Variants in AKAP6 observed in about 807,000 individuals in gnomAD.
AKAP6 encodes the protein A-kinase anchoring protein 6.
A neutral mutation model predicts 188.5 loss-of-function variants in AKAP6; 58 were observed. The ratio of observed to expected loss-of-function variants is 0.31; its 90% confidence interval spans 0.25 to 0.38. The LOEUF (loss-of-function observed/expected upper bound fraction) is 0.38. AKAP6 is among the 10% of genes least tolerant of loss of function. The pLI is 1.00. For synonymous variants in AKAP6, 989 were observed against 998.6 expected (o/e 0.99, Z 0.18); for missense variants, 2,710 against 2,740.0 (o/e 0.99, Z 0.24).
In AKAP6 at chr14:32,835,617, C is replaced by T. The variant is rs1337867482; in HGVS notation, c.*5812C>T. ...TCATTTTTCAACTCAAAGGCAAAAC[C>T]ATGATCAAAATATTGTATATAGTAC... On this transcript the variant is annotated 3_prime_UTR_variant, in exon 14 of 14. Transcript: ENST00000280979. 1 of 152,094 alleles carries T rather than the reference C, an allele frequency of 6.6e-6. No individual in the cohort carries two copies. Among genetic ancestry groups the T allele is most frequent in the Non-Finnish European group, 1.5e-5 (1 of 68,028 alleles). The allele number at this position is 152,094 out of a possible 1,614,324, so 9.4% of individuals were successfully genotyped here.
chr14:32,625,389 T>C (rs1271368563), intron 7 of AKAP6, among the ~76,000 whole-genome samples: 1 of 152,144 alleles, frequency 6.6e-6, no homozygotes, highest in Non-Finnish European at 1.5e-5. Context: ...AATATACTCA[T>C]GCTCACCCCT....
chr14:32,520,785 T>C (rs1017148747), intron 2 of AKAP6, among the ~76,000 whole-genome samples: 4 of 152,204 alleles, frequency 2.6e-5, no homozygotes, highest in Non-Finnish European at 5.9e-5. Context: ...GCTGCTACCA[T>C]TCCTTCTGAA....
chr14:32,444,545 G>T (rs1301720866), intron 2 of AKAP6, among the ~76,000 whole-genome samples: 2 of 152,120 alleles, frequency 1.3e-5, no homozygotes, highest in African/African-American at 4.8e-5. Context: ...ATACTTTAAT[G>T]CACCATTTTT....
At chr14:32,617,450 A>G (rs1340880274) in intron 7 of AKAP6, among the ~76,000 whole-genome samples, 2 of 151,966 alleles carry the variant, frequency 1.3e-5, no homozygotes, top group Admixed American at 1.3e-4. Context: ...TGTATTAAAG[A>G]TATTCCTCAA....
intron 7 of AKAP6, among the ~76,000 whole-genome samples, chr14:32,631,171 T>C (rs1201616164): frequency 6.6e-6 from 1 of 152,066 alleles, no homozygotes; most frequent in Non-Finnish European, 1.5e-5. Flanking sequence ...TAAAATTTCA[T>C]ATGGCATATG....
chr14:32,580,867 G>A (rs1015520422), intron 5 of AKAP6, among the ~76,000 whole-genome samples: 7 of 152,208 alleles, frequency 4.6e-5, no homozygotes, highest in African/African-American at 1.7e-4. Flanking sequence ...CCATGTCCCT[G>A]CAAAGAACAT....
chr14:32,633,651 C>T (rs1887368959), intron 7 of AKAP6, among the ~76,000 whole-genome samples: 1 of 152,054 alleles, frequency 6.6e-6, no homozygotes, highest in African/African-American at 2.4e-5. Flanking sequence ...GAGCTGCATC[C>T]AGGAATGAAG....
intron 2 of AKAP6, among the ~76,000 whole-genome samples, chr14:32,491,512 C>G (rs529433385): frequency 3.6e-4 from 55 of 152,238 alleles, no homozygotes; most frequent in African/African-American, 1.3e-3. Flanking sequence ...ATGTGGCTGT[C>G]CTCCCTGTGG....
chr14:32,390,508 G>A (rs1175662805), intron 1 of AKAP6, among the ~76,000 whole-genome samples: 1 of 152,130 alleles, frequency 6.6e-6, no homozygotes, highest in Non-Finnish European at 1.5e-5. Context: ...AGGGCTGAAG[G>A]CTGTTGTTTA....
At chr14:32,538,968 A>C (rs1882802598) in intron 3 of AKAP6, among the ~76,000 whole-genome samples, 1 of 152,142 alleles carries the variant, frequency 6.6e-6, no homozygotes, top group Non-Finnish European at 1.5e-5. Context: ...TTTTAATAAT[A>C]ATTATTGTTT....
chr14:32,352,589 A>G (rs561927460), intron 1 of AKAP6, among the ~76,000 whole-genome samples: 6 of 152,210 alleles, frequency 3.9e-5, no homozygotes, highest in African/African-American at 1.4e-4. Context: ...GCCTTTGGTA[A>G]TCACCATTCT....
intron 7 of AKAP6, among the ~76,000 whole-genome samples, chr14:32,620,869 T>C (rs1183906913): frequency 6.6e-6 from 1 of 151,932 alleles, no homozygotes; most frequent in African/African-American, 2.4e-5. Flanking sequence ...TCAGGATTTC[T>C]ATTTATTCTT....
In AKAP6 at chr14:32,337,357, A is replaced by G. The variant is rs532748003; in HGVS notation, c.-35+7949A>G. ...CTTCAGGCTTGGCTAGTAGGAGCAC[A>G]CAGCTTCTAGAACACTGTAGAGGAA... is the stretch of plus-strand genomic sequence containing the variant. On this transcript the variant is annotated intron_variant, in intron 1 of 13. Transcript: ENST00000280979. 5.3e-5 allele frequency among the ~76,000 whole-genome samples: 8 copies of G among 152,294 alleles called. No individual in the cohort carries two copies. The South Asian group carries it at 1.7e-3, about 32-fold the overall frequency.
At chr14:32,341,565 G>A (rs527541698) in intron 1 of AKAP6, among the ~76,000 whole-genome samples, 9 of 152,326 alleles carry the variant, frequency 5.9e-5, no homozygotes, top group African/African-American at 2.2e-4. Context: ...ATAGATTGGG[G>A]ATTGAATTCT....
intron 9 of AKAP6, among the ~76,000 whole-genome samples, chr14:32,727,071 T>G (rs912900830): frequency 1.3e-5 from 2 of 152,154 alleles, no homozygotes; most frequent in Non-Finnish European, 2.9e-5. Flanking sequence ...TCTAAGGGGA[T>G]AGAGAACCGT....
At chr14:32,550,869 TTCCTGG>T (rs1883429567) in intron 4 of AKAP6, among the ~76,000 whole-genome samples, 2 of 152,304 alleles carry the variant, frequency 1.3e-5, no homozygotes, top group African/African-American at 4.8e-5. Context: ...CATCACCTCC[TTCCTGG>T]ATTACTGCAG....
chr14:32,566,058 T>A (rs1193686905), intron 4 of AKAP6, among the ~76,000 whole-genome samples: 2 of 152,210 alleles, frequency 1.3e-5, no homozygotes, highest in Non-Finnish European at 2.9e-5. Context: ...TCGGCACCTG[T>A]AGGGGCTCTC....
chr14:32,351,622 A>G (rs1887272985), intron 1 of AKAP6, among the ~76,000 whole-genome samples: 2 of 151,982 alleles, frequency 1.3e-5, no homozygotes, highest in African/African-American at 4.8e-5. Context: ...GGAATGGTAG[A>G]TTTTTAGTAA....
chr14:32,763,804 T>C (rs1224356509), intron 11 of AKAP6, among the ~76,000 whole-genome samples: 3 of 152,216 alleles, frequency 2.0e-5, no homozygotes, highest in Non-Finnish European at 4.4e-5. Flanking sequence ...CTATATTGGC[T>C]GACGTTGTCT....
Sources: allele counts gnomAD v4.1 joint callset (sites outside exome capture counted in the v4.1 genomes callset), GRCh38; gene constraint gnomAD v4.1.1; transcripts MANE v1.5; gene names NCBI Gene and HGNC (gene_info 2026-07-23, HGNC 2026-07-21).